ERC2: variants seen among roughly 807,000 people sequenced by gnomAD.
ERC2 encodes ERC protein 2.
Under a neutral mutation model 114.8 loss-of-function variants are expected in ERC2, and 42 were observed. The observed-to-expected ratio is 0.37, with a 90% confidence interval of 0.29 to 0.47. ERC2 has a LOEUF of 0.47. Ranked by LOEUF, ERC2 falls within the 20% of genes least tolerant of loss-of-function variation. The pLI, the probability that ERC2 is intolerant of heterozygous loss-of-function variation, is 0.99. For missense variants in ERC2, 939 were observed against 1,150.7 expected (o/e 0.82, Z 2.66); for synonymous variants, 454 against 425.5 (o/e 1.07, Z -0.82).
intron 2 of ERC2, among the ~76,000 whole-genome samples, chr3:56,322,593 T>A (rs934873979): frequency 2.0e-5 from 3 of 152,140 alleles, no homozygotes; most frequent in African/African-American, 7.2e-5. Flanking sequence ...GGACAACATG[T>A]ATGAAATAAT....
At chr3:55,842,592 T>C (rs1319710044) in intron 14 of ERC2, among the ~76,000 whole-genome samples, 1 of 152,170 alleles carries the variant, frequency 6.6e-6, no homozygotes, top group Non-Finnish European at 1.5e-5. Context: ...TGGTTAAATA[T>C]AGGTTGCTAG....
intron 6 of ERC2, among the ~76,000 whole-genome samples, chr3:56,126,855 A>AAAGGAAAGGAAAGGAAAG (rs2079903575): frequency 8.7e-5 from 4 of 46,100 alleles, no homozygotes; most frequent in African/African-American, 3.1e-4. Context: ...GGAAAGGAAA[A>AAAGGAAAGGAAAGGAAAG]GAAAGGCAAG....
At chr3:56,128,116 G>C (rs2149879545) in intron 6 of ERC2, among the ~76,000 whole-genome samples, 1 of 151,926 alleles carries the variant, frequency 6.6e-6, no homozygotes, top group South Asian at 2.1e-4. Flanking sequence ...AGATTTGTAA[G>C]TGAATAGTGC....
chr3:55,902,211 G>A (rs1383789228), intron 13 of ERC2, among the ~76,000 whole-genome samples: 1 of 152,124 alleles, frequency 6.6e-6, no homozygotes, highest in African/African-American at 2.4e-5. Context: ...TGGGAGGAAA[G>A]CAAAAACCAG....
At chr3:55,774,082 G>T (rs567979934) in intron 14 of ERC2, among the ~76,000 whole-genome samples, 1 of 152,186 alleles carries the variant, frequency 6.6e-6, no homozygotes, top group South Asian at 2.1e-4. Flanking sequence ...TAACCCCACC[G>T]CCTTCTGAGA....
intron 14 of ERC2, among the ~76,000 whole-genome samples, chr3:55,875,715 C>T (rs1472884775): frequency 1.4e-5 from 2 of 147,638 alleles, no homozygotes; most frequent in Non-Finnish European, 3.0e-5. Context: ...CACACACACA[C>T]ACACACACAC....
intron 17 of ERC2, chr3:55,658,387 T>C (rs2060971516): frequency 6.6e-6 from 1 of 152,238 alleles, no homozygotes; most frequent in Non-Finnish European, 1.5e-5. Context: ...AGTTTGATTA[T>C]GTGCCCATTT....
At chr3:55,750,995 T>C (rs1246119829) in intron 14 of ERC2, among the ~76,000 whole-genome samples, 2 of 152,226 alleles carry the variant, frequency 1.3e-5, no homozygotes, top group African/African-American at 4.8e-5. Context: ...ATTTAATAGC[T>C]TAATTAGGTT....
intron 13 of ERC2, among the ~76,000 whole-genome samples, chr3:55,933,159 A>G (rs2149406743): frequency 6.6e-6 from 1 of 151,722 alleles, no homozygotes; most frequent in African/African-American, 2.4e-5. Flanking sequence ...CAGTGAGTAG[A>G]GATCGCGCCA....
intron 9 of ERC2, among the ~76,000 whole-genome samples, chr3:56,009,425 C>T (rs1415044329): frequency 6.6e-6 from 1 of 152,166 alleles, no homozygotes; most frequent in African/African-American, 2.4e-5. Context: ...CTCGAAACTC[C>T]TCTTACTCAT....
intron 13 of ERC2, among the ~76,000 whole-genome samples, chr3:55,941,964 ATAAC>A (rs1404349895): frequency 6.6e-6 from 1 of 152,208 alleles, no homozygotes; most frequent in South Asian, 2.1e-4. Flanking sequence ...TTTATTCACA[ATAAC>A]TAACTAATTT....
chr3:56,227,437 A>G (rs2050322593), intron 3 of ERC2, among the ~76,000 whole-genome samples: 1 of 151,710 alleles, frequency 6.6e-6, no homozygotes, highest in Non-Finnish European at 1.5e-5. Context: ...ATTAAAAAAA[A>G]AAATCCCTTT....
chr3:56,162,505 T>A (rs2082102291), intron 4 of ERC2, among the ~76,000 whole-genome samples: 1 of 152,164 alleles, frequency 6.6e-6, no homozygotes, highest in East Asian at 1.9e-4. Flanking sequence ...ACCCATCCAG[T>A]TCAAGGCTTT....
intron 13 of ERC2, among the ~76,000 whole-genome samples, chr3:55,911,520 T>C (rs984507627): frequency 2.0e-5 from 3 of 152,196 alleles, no homozygotes; most frequent in African/African-American, 7.2e-5. Context: ...TCTCCTATAA[T>C]ATCACCTTTA....
chr3:56,188,554 G>GGTGGTGGTGGTGGTGGCA (rs1209994957), intron 3 of ERC2, among the ~76,000 whole-genome samples: 1 of 152,158 alleles, frequency 6.6e-6, no homozygotes, highest in African/African-American at 2.4e-5. Context: ...ACACAGTTAT[G>GGTGGTGGTGGTGGTGGCA]GTGGTGGTGG....
intron 7 of ERC2, among the ~76,000 whole-genome samples, chr3:56,057,413 C>T (rs1006888585): frequency 7.2e-5 from 11 of 152,122 alleles, no homozygotes; most frequent in African/African-American, 2.7e-4. Flanking sequence ...ATTGCTTACT[C>T]ATTTCTTGGT....
In ERC2 at chr3:56,078,866, T is replaced by C. The variant is rs1389720571; in HGVS notation, c.1641+1951A>G. ...TTTAAATATATATTTATTTATATTA[T>C]ATAAATTTTAAAAATACATATACAC... is the stretch of plus-strand genomic sequence containing the variant. On this transcript the variant is annotated intron_variant, in intron 7 of 17. Coordinates refer to ENST00000288221, the MANE Select transcript of ERC2 (RefSeq NM_015576.3). Among the ~76,000 whole-genome samples, 8 of 149,158 alleles carry C rather than the reference T, an allele frequency of 5.4e-5. 1 individual carries two copies. The highest frequency in any genetic ancestry group is 2.1e-4 in the South Asian group (1 of 4,792).
At chr3:55,536,845 G>C (rs564435442) in intron 17 of ERC2, among the ~76,000 whole-genome samples, 1 of 152,088 alleles carries the variant, frequency 6.6e-6, no homozygotes, top group African/African-American at 2.4e-5. Context: ...CCTCAACCCC[G>C]TCCTACAGGA....
intron 17 of ERC2, among the ~76,000 whole-genome samples, chr3:55,602,418 A>G (rs1237505814): frequency 6.6e-6 from 1 of 152,200 alleles, no homozygotes; most frequent in African/African-American, 2.4e-5. Flanking sequence ...TGCCCTGAAA[A>G]GGAGGTATCT....
Sources: gnomAD v4.1 joint callset for allele counts (sites outside exome capture counted in the v4.1 genomes callset) on GRCh38, gnomAD v4.1.1 for gene constraint, MANE v1.5 for transcripts, NCBI Gene and HGNC (gene_info 2026-07-23, HGNC 2026-07-21) for gene names.